Variants in NDUFA7 observed in about 807,000 individuals in gnomAD.
NDUFA7 encodes NADH:ubiquinone oxidoreductase subunit A7, also known as NADH dehydrogenase [ubiquinone] 1 alpha subcomplex subunit 7.
NDUFA7 carries 18 observed loss-of-function variants against 14.2 expected under a neutral mutation model. The ratio of observed to expected loss-of-function variants is 1.27; its 90% confidence interval spans 0.88 to 1.88. NDUFA7 has a LOEUF of 1.88. Among genes scored for constraint, NDUFA7 ranks in the 40% most tolerant of loss-of-function variants. The pLI is 0.00. For missense variants in NDUFA7, 172 were observed against 147.3 expected (o/e 1.17, Z -0.87); for synonymous variants, 75 against 62.1 (o/e 1.21, Z -0.98).
intron 2 of NDUFA7, chr19:8,316,849 G>C: frequency 1.7e-6 from 1 of 586,564 alleles, no homozygotes; most frequent in South Asian, 2.1e-5. Context: ...GGTGGACCCT[G>C]CTCTGGATGT....
At chr19:8,312,391 C>T (rs1002729063) in intron 3 of NDUFA7, among the ~76,000 whole-genome samples, 1 of 152,156 alleles carries the variant, frequency 6.6e-6, no homozygotes, top group East Asian at 1.9e-4. Context: ...TCTCTGGGGG[C>T]ATGGCAAGGG....
intron 2 of NDUFA7, among the ~76,000 whole-genome samples, chr19:8,318,864 G>A (rs1321013650): frequency 1.3e-5 from 2 of 151,152 alleles, no homozygotes; most frequent in African/African-American, 2.4e-5. Flanking sequence ...CCAGCTACTC[G>A]GGAGGCTGAG....
downstream of NDUFA7, among the ~76,000 whole-genome samples, chr19:8,310,294 T>C (rs1243837697): frequency 1.4e-5 from 2 of 147,516 alleles, no homozygotes; most frequent in African/African-American, 5.4e-5. Flanking sequence ...GCTGGGCTTG[T>C]GGCAGGCGCC....
downstream of NDUFA7, among the ~76,000 whole-genome samples, chr19:8,309,101 A>G (rs1308054239): frequency 6.6e-6 from 1 of 152,066 alleles, no homozygotes; most frequent in East Asian, 1.9e-4. Flanking sequence ...TCTAATTTGT[A>G]GTCCCAGCTA....
intron 2 of NDUFA7, among the ~76,000 whole-genome samples, chr19:8,320,180 T>C (rs188151639): frequency 1.3e-5 from 2 of 152,296 alleles, no homozygotes; most frequent in East Asian, 3.9e-4. Flanking sequence ...AATTATTCTT[T>C]GAATGGGTCC....
rs949201897 is a variant in NDUFA7 at position 8,320,975 on chromosome 19, G to T, written c.52-69C>A. 26 of 1,563,262 alleles carry T rather than the reference G, an allele frequency of 1.7e-5. No homozygotes were observed. In the African/African-American group the frequency reaches 3.1e-4, roughly 19 times the overall value. ...GGAGAGAGGAAAGGAGAGGGCAAGG[G>T]ACCAGGGATGGTCCGGGGATGCGCA... On this transcript the variant is annotated intron_variant, in intron 1 of 3. Transcript: ENST00000301457.
At chr19:8,311,631 A>G (rs1344262165) in intron 3 of NDUFA7, 36 bp from the exon 4 acceptor site, 1 of 1,585,032 alleles carries the variant, frequency 6.3e-7, no homozygotes, top group East Asian at 2.3e-5. Flanking sequence ...GGGTTTCCAA[A>G]GAACAGTGTG....
chr19:8,311,358 G>C lies in NDUFA7; in HGVS notation c.*147C>G. 1 of 625,286 alleles carries C rather than the reference G, an allele frequency of 1.6e-6. No homozygotes were observed. Among genetic ancestry groups the C allele is most frequent in the South Asian group, 2.1e-5 (1 of 48,234 alleles). 38.7% of individuals were successfully genotyped at this position (625,286 alleles called of 1,614,324 possible). A position where few individuals can be genotyped will look rare whatever the true frequency, so the allele number is the denominator to read the frequency against. On this transcript the variant is annotated 3_prime_UTR_variant, in exon 4 of 4. Coordinates refer to ENST00000301457, the MANE Select transcript of NDUFA7 (RefSeq NM_005001.5). ...AGTTCAAGATCAGCCTGGGAAACAT[G>C]GTGAGACTCTGTCTCTATTTTTTTA... is the stretch of plus-strand genomic sequence containing the variant.
At chr19:8,320,151 G>A (rs895830275) in intron 2 of NDUFA7, among the ~76,000 whole-genome samples, 1 of 152,182 alleles carries the variant, frequency 6.6e-6, no homozygotes, top group African/African-American at 2.4e-5. Flanking sequence ...ACCGCGCCCG[G>A]TCAGAATGTT....
intron 2 of NDUFA7, among the ~76,000 whole-genome samples, chr19:8,320,399 G>A (rs1159175739): frequency 1.3e-5 from 2 of 152,124 alleles, no homozygotes; most frequent in Non-Finnish European, 2.9e-5. Context: ...AACTTTCCTG[G>A]TTCACAAAGT....
downstream of NDUFA7, among the ~76,000 whole-genome samples, chr19:8,309,570 C>CCTG (rs1191455984): frequency 6.6e-6 from 1 of 152,090 alleles, no homozygotes; most frequent in Admixed American, 6.6e-5. Flanking sequence ...CTCTGCACAC[C>CCTG]CTGCCTAGTC....
chr19:8,317,997 A>C (rs1318949363), intron 2 of NDUFA7, among the ~76,000 whole-genome samples: 2 of 151,490 alleles, frequency 1.3e-5, no homozygotes, highest in African/African-American at 2.4e-5. Context: ...AGTGTTAGTC[A>C]CTGTATTTTT....
In NDUFA7 at chr19:8,311,578, G is replaced by C. The variant is rs757289337; in HGVS notation, c.269C>G (p.Thr90Ser). The C allele has an allele frequency of 6.2e-7, 1 of 1,612,718 alleles. No homozygotes were observed. Among genetic ancestry groups the C allele is most frequent in the Non-Finnish European group, 8.5e-7 (1 of 1,179,360 alleles). The change falls in exon 4 of 4, where the codon ACT (threonine) becomes AGT (serine). Residue 90 changes from threonine (T) to serine (S), a missense_variant. Thr to Ser is a moderately conservative substitution (Grantham distance 58). Coordinates refer to ENST00000301457, the MANE Select transcript of NDUFA7 (RefSeq NM_005001.5). ...KPAESSAVAATEKKAVTPAPP... is the reference protein window; with the variant it reads ...KPAESSAVAASEKKAVTPAPP... ...AGCTGGAGTCACCGCCTTCTTCTCAGTGGCAGCTACAGCAGAGCTGGAGGA... is the reference window on the plus strand; with the variant it reads ...AGCTGGAGTCACCGCCTTCTTCTCACTGGCAGCTACAGCAGAGCTGGAGGA...
At chr19:8,316,148 CAAAA>C (rs60161246) in intron 3 of NDUFA7, among the ~76,000 whole-genome samples, 22 of 80,642 alleles carry the variant, frequency 2.7e-4, no homozygotes, top group Non-Finnish European at 4.5e-4. Context: ...GACTCCGTCT[CAAAA>C]AAAAAAAAAA....
rs778542183 is a variant in NDUFA7 at position 8,316,534 on chromosome 19, C to T, written c.213G>A (p.Ser71=). ...RESVPPSIIM[S]SQKALVSGKP... ...TGCCTGACACCAGCGCCTTCTGCGA[C>T]GACATGATGATGGAAGGGGGCACAG... Residue 71 remains serine (S), a synonymous_variant, in exon 3 of 4, where the codon TCG becomes TCA. Transcript: ENST00000301457. The T allele has an allele frequency of 9.9e-6, 16 of 1,613,898 alleles. No homozygotes were observed. The highest frequency in any genetic ancestry group is 6.7e-5 in the African/African-American group (5 of 74,894).
chr19:8,313,366 G>T (rs1282597916), intron 3 of NDUFA7, among the ~76,000 whole-genome samples: 1 of 152,016 alleles, frequency 6.6e-6, no homozygotes, highest in Non-Finnish European at 1.5e-5. Flanking sequence ...GAATAGCTGG[G>T]ACTACAGGCG....
intron 3 of NDUFA7, among the ~76,000 whole-genome samples, chr19:8,312,468 C>G (rs1970189530): frequency 6.6e-6 from 1 of 152,154 alleles, no homozygotes; most frequent in South Asian, 2.1e-4. Flanking sequence ...AAGGTGACAA[C>G]AAGGACCACT....
At chr19:8,309,518 G>A (rs779320970), downstream of NDUFA7, among the ~76,000 whole-genome samples, 4 of 151,872 alleles carry the variant, frequency 2.6e-5, no homozygotes, top group East Asian at 3.9e-4. Context: ...TTCAGATGCC[G>A]TCAGCGGCAT....
chr19:8,317,884 G>C (rs1043063246), intron 2 of NDUFA7, among the ~76,000 whole-genome samples: 1 of 152,110 alleles, frequency 6.6e-6, no homozygotes, highest in African/African-American at 2.4e-5. Context: ...TGTTGCCCAG[G>C]TTGATGTCGA....
Sources: allele counts gnomAD v4.1 joint callset (sites outside exome capture counted in the v4.1 genomes callset), GRCh38; gene constraint gnomAD v4.1.1; transcripts MANE v1.5; gene names NCBI Gene and HGNC (gene_info 2026-07-23, HGNC 2026-07-21).